Variants in LRGUK observed in about 807,000 individuals in gnomAD.
LRGUK encodes leucine rich repeats and guanylate kinase domain containing, also known as leucine-rich repeat and guanylate kinase domain-containing protein.
LRGUK carries 65 observed loss-of-function variants against 76.0 expected under a neutral mutation model. The ratio of observed to expected loss-of-function variants is 0.85; its 90% CI spans 0.70 to 1.05. LRGUK has a LOEUF of 1.05. LRGUK is among the 50% of genes least tolerant of loss of function. LRGUK has a pLI of 0.00. For synonymous variants in LRGUK, 268 were observed against 265.6 expected, an observed-to-expected ratio of 1.01 and a Z score of -0.09; for missense variants, 758 against 732.8, an observed-to-expected ratio of 1.03 and a Z score of -0.40.
At chr7:134,183,363 G>A (rs1313052187) in intron 10 of LRGUK, among the ~76,000 whole-genome samples, 1 of 152,112 alleles carries the variant, frequency 6.6e-6, no homozygotes, top group Admixed American at 6.5e-5. Flanking sequence ...TTCTAATTCA[G>A]TAGTTATAAA....
chr7:134,196,249 C>T (rs1002248478), intron 12 of LRGUK, among the ~76,000 whole-genome samples: 1 of 152,038 alleles, frequency 6.6e-6, no homozygotes, highest in Non-Finnish European at 1.5e-5. Flanking sequence ...TATAGTATTG[C>T]CAAAGAAAAA....
chr7:134,178,897 C>T (rs750062647), intron 10 of LRGUK, among the ~76,000 whole-genome samples: 36 of 61,760 alleles, frequency 5.8e-4, no homozygotes, highest in South Asian at 1.1e-3. Context: ...TGTATGGTGG[C>T]CAGCGTGTGC....
At chr7:134,177,788 T>C (rs779800655) in intron 9 of LRGUK, among the ~76,000 whole-genome samples, 148 of 152,352 alleles carry the variant, frequency 9.7e-4, no homozygotes, top group Admixed American at 1.9e-3. Flanking sequence ...CAGTTACAGA[T>C]GCCAGTCTGT....
At chr7:134,249,202 G>A (rs1802385698) in intron 18 of LRGUK, 126 bp downstream of exon 18, 1 of 1,082,022 alleles carries the variant, frequency 9.2e-7, no homozygotes, top group Non-Finnish European at 1.3e-6. Flanking sequence ...TCCCGCTGTA[G>A]AATTTGAAGG....
At chr7:134,244,973 G>A (rs987861460) in intron 16 of LRGUK, among the ~76,000 whole-genome samples, 3 of 138,168 alleles carry the variant, frequency 2.2e-5, no homozygotes, top group Non-Finnish European at 3.1e-5. Flanking sequence ...AACACCACAT[G>A]TTCTCACTCA....
chr7:134,138,953 C>T (rs1052512054), intron 2 of LRGUK, among the ~76,000 whole-genome samples: 4 of 152,028 alleles, frequency 2.6e-5, no homozygotes, highest in Admixed American at 6.6e-5. Flanking sequence ...TGTGTTTGAT[C>T]AGATGAGATT....
At chr7:134,254,122 C>T (rs1802514269) in intron 18 of LRGUK, among the ~76,000 whole-genome samples, 1 of 152,098 alleles carries the variant, frequency 6.6e-6, no homozygotes, top group African/African-American at 2.4e-5. Context: ...TGTGATTAGA[C>T]AGCAATTTTA....
intron 18 of LRGUK, among the ~76,000 whole-genome samples, chr7:134,257,552 T>C (rs1373322330): frequency 6.6e-6 from 1 of 152,132 alleles, no homozygotes; most frequent in Non-Finnish European, 1.5e-5. Flanking sequence ...ACACTTGTAA[T>C]CCCAGTACTT....
chr7:134,170,081 A>G (rs1453322552), intron 7 of LRGUK, among the ~76,000 whole-genome samples: 2 of 152,080 alleles, frequency 1.3e-5, no homozygotes, highest in African/African-American at 4.8e-5. Flanking sequence ...ATTATTTTAT[A>G]TAAAAATTTT....
At chr7:134,178,567 A>G (rs1170087740) in exon 10 of LRGUK, 1 of 1,613,456 alleles carries the variant, frequency 6.2e-7, no homozygotes, top group East Asian at 2.2e-5. Context: ...CACCTGACCC[A>G]TGTTGTCAAC....
intron 12 of LRGUK, 132 bp downstream of exon 12, chr7:134,191,883 G>GTT: frequency 1.1e-5 from 6 of 560,934 alleles, no homozygotes; most frequent in South Asian, 6.4e-5. Context: ...GTTTTTATGG[G>GTT]GTTTTTTTTT....
downstream of LRGUK, among the ~76,000 whole-genome samples, chr7:134,213,554 G>A (rs191385641): frequency 7.9e-5 from 12 of 152,310 alleles, no homozygotes; most frequent in African/African-American, 2.9e-4. Context: ...TTTTAGAAAT[G>A]TATAATTTTC....
At chr7:134,172,899 G>T (rs995751997) in intron 7 of LRGUK, among the ~76,000 whole-genome samples, 12 of 152,092 alleles carry the variant, frequency 7.9e-5, no homozygotes, top group African/African-American at 1.4e-4. Context: ...AGGTAGGAAG[G>T]TTCCTTGAGC....
chr7:134,247,428 A>G (rs60458153), intron 16 of LRGUK, 128 bp from the exon 17 acceptor site: 22,852 of 566,126 alleles, frequency 0.04, 1,774 homozygotes, highest in African/African-American at 0.22. Context: ...ATTGTTTTTT[A>G]TGCCTTTTCC....
intron 6 of LRGUK, among the ~76,000 whole-genome samples, chr7:134,161,864 G>A (rs999557711): frequency 1.4e-5 from 2 of 146,708 alleles, no homozygotes; most frequent in African/African-American, 5.1e-5. Flanking sequence ...CTAATTTTTT[G>A]TATTTTTTTA....
chr7:134,148,448 T>G, intron 5 of LRGUK, 129 bp downstream of exon 5: 1 of 613,978 alleles, frequency 1.6e-6, no homozygotes, highest in Non-Finnish European at 2.8e-6. Context: ...CGTGACTTAT[T>G]TAAAGGACTA....
At chr7:134,167,732 A>C (rs930453490) in intron 7 of LRGUK, among the ~76,000 whole-genome samples, 2 of 152,178 alleles carry the variant, frequency 1.3e-5, no homozygotes, top group African/African-American at 4.8e-5. Context: ...CTGGAGCTTC[A>C]TGACAGCTGG....
chr7:134,176,602 G>A (rs1340425035), intron 8 of LRGUK, among the ~76,000 whole-genome samples: 1 of 151,986 alleles, frequency 6.6e-6, no homozygotes, highest in Non-Finnish European at 1.5e-5. Flanking sequence ...GGATGTTCTC[G>A]ATCTCCTGAT....
intron 18 of LRGUK, among the ~76,000 whole-genome samples, chr7:134,254,061 G>A (rs900857466): frequency 7.2e-5 from 11 of 152,182 alleles, no homozygotes; most frequent in East Asian, 1.9e-4. Flanking sequence ...CACAAAAGGA[G>A]TGTGGGGAGG....
Sources: gnomAD v4.1 joint callset for allele counts (sites outside exome capture counted in the v4.1 genomes callset) on GRCh38, gnomAD v4.1.1 for gene constraint, MANE v1.5 for transcripts, NCBI Gene and HGNC (gene_info 2026-07-23, HGNC 2026-07-21) for gene names.